KLKB1: variants seen among roughly 807,000 people sequenced by gnomAD.
KLKB1 encodes plasma kallikrein.
KLKB1 carries 58 observed loss-of-function variants against 73.6 expected under a neutral mutation model. The ratio of observed to expected loss-of-function variants is 0.79; its 90% confidence interval spans 0.64 to 0.98. KLKB1 has a LOEUF of 0.98. Ranked by LOEUF, KLKB1 falls within the 50% of genes least tolerant of loss-of-function variation. The probability of loss-of-function intolerance (pLI) is 0.00; values close to 1 mark genes in which losing one functional copy is unlikely to be tolerated. For synonymous variants in KLKB1, 280 were observed against 258.1 expected, an observed-to-expected ratio of 1.08 and a Z score of -0.81; for missense variants, 737 against 763.8, an observed-to-expected ratio of 0.96 and a Z score of 0.41.
chr4:186,251,775 T>A lies in KLKB1; in HGVS notation c.1058T>A (p.Met353Lys). 2 of 1,613,984 alleles carry A rather than the reference T, an allele frequency of 1.2e-6. No homozygotes were observed. The highest frequency in any genetic ancestry group is 1.7e-6 in the Non-Finnish European group (2 of 1,179,836). The change falls in exon 10 of 15, where the codon ATG (methionine) becomes AAG (lysine). Residue 353 changes from methionine to lysine, a missense_variant. Met to Lys is a moderately conservative substitution (Grantham distance 95). Coordinates refer to ENST00000264690, the MANE Select transcript of KLKB1 (RefSeq NM_000892.5). ...EKCKCFLRLS[M>K]DGSPTRIAYG... ...TGTAAGTGTTTCTTAAGATTATCTA[T>A]GGATGGTTCTCCAACTAGGATTGCG...
At chr4:186,227,171 G>A (rs1205307947), upstream of KLKB1, among the ~76,000 whole-genome samples, 2 of 152,160 alleles carry the variant, frequency 1.3e-5, no homozygotes, top group Non-Finnish European at 2.9e-5. Context: ...CCGGTAATGT[G>A]AAATTGTCCT....
At chr4:186,235,518 G>T (rs1737619726) in intron 4 of KLKB1, among the ~76,000 whole-genome samples, 1 of 152,154 alleles carries the variant, frequency 6.6e-6, no homozygotes, top group Non-Finnish European at 1.5e-5. Flanking sequence ...ATAGGAAAGA[G>T]ACTTCGTTTC....
In KLKB1 at chr4:186,232,029, G is replaced by C. The variant is rs1737420744; in HGVS notation, c.59-98G>C. The C allele has an allele frequency of 1.3e-5, 12 of 909,534 alleles. No individual in the cohort carries two copies. In the East Asian group the frequency reaches 3.2e-4, roughly 24 times the overall value. 56.3% of individuals were successfully genotyped at this position (909,534 alleles called of 1,614,324 possible). A position where few individuals can be genotyped will look rare whatever the true frequency, so the allele number is the denominator to read the frequency against. ...TTAGAGTTGTATTATACAGGTCTTT[G>C]AGTAGTCAGTCAGTGGGAGAAGTTA... On this transcript the variant is annotated intron_variant, in intron 2 of 14. Transcript: ENST00000264690.
At chr4:186,248,029 C>T (rs917139769) in intron 6 of KLKB1, among the ~76,000 whole-genome samples, 8 of 152,086 alleles carry the variant, frequency 5.3e-5, no homozygotes, top group East Asian at 1.9e-4. Context: ...GGGCGGATCA[C>T]GGGGTCAGGA....
intron 5 of KLKB1, among the ~76,000 whole-genome samples, 155 bp downstream of exon 5, chr4:186,237,095 T>G (rs1737735178): frequency 1.3e-5 from 2 of 150,668 alleles, no homozygotes; most frequent in African/African-American, 4.9e-5. Flanking sequence ...TTTTTTATCT[T>G]TTATTTATTT....
rs2292423 is a variant in KLKB1, at chr4:186,254,568, T to C, written c.1314-20T>C. ...GAAGGACTGCCCAGTTTCAAACAGG[T>C]ATTTATTTTTCTCTCCTAGGCTTCC... On this transcript the variant is annotated intron_variant, in intron 11 of 14. Transcript: ENST00000264690. The C allele has an allele frequency of 2.5e-6, 4 of 1,606,562 alleles. No homozygotes were observed. The highest frequency in any genetic ancestry group is 3.3e-4 in the Middle Eastern group (2 of 6,046).
chr4:186,252,267 T>G, intron 11 of KLKB1, 82 bp downstream of exon 11: 1 of 1,407,590 alleles, frequency 7.1e-7, no homozygotes, highest in Non-Finnish European at 1.0e-6. Context: ...TTCACCGCCA[T>G]GTGACTTTAT....
rs918340174 is a variant in KLKB1 at position 186,238,376 on chromosome 4, G to T, written c.598+11G>T. ...CCCTTTCAGAAATTGGTAATTGTAG[G>T]ACTACTTCACTTTGTGATTGTGGTA... is the stretch of plus-strand genomic sequence containing the variant. On this transcript the variant is annotated intron_variant, in intron 6 of 14. Transcript: ENST00000264690. The T allele has an allele frequency of 6.4e-7, 1 of 1,559,600 alleles. No homozygotes were observed. Among genetic ancestry groups the T allele is most frequent in the African/African-American group, 1.4e-5 (1 of 73,826 alleles).
chr4:186,254,503 C>A (rs1350230238), intron 11 of KLKB1, 85 bp from the exon 12 acceptor site: 6 of 1,158,568 alleles, frequency 5.2e-6, no homozygotes, highest in East Asian at 2.3e-5. Flanking sequence ...CTTCCCAGTT[C>A]TTTGAAAGAG....
chr4:186,255,923 A>G, intron 12 of KLKB1, 69 bp from the exon 13 acceptor site: 1 of 974,454 alleles, frequency 1.0e-6, no homozygotes, highest in Non-Finnish European at 1.6e-6. Flanking sequence ...AAAAAGAGAA[A>G]GATGTATTTT....
chr4:186,218,891 T>A (rs1020540946), intron 2 of KLKB1, among the ~76,000 whole-genome samples: 1 of 152,148 alleles, frequency 6.6e-6, no homozygotes, highest in African/African-American at 2.4e-5. Flanking sequence ...GAAGCCAGTC[T>A]AAGTCCCAAA....
intron 6 of KLKB1, among the ~76,000 whole-genome samples, chr4:186,243,474 A>G (rs1039660391): frequency 3.3e-5 from 5 of 152,126 alleles, no homozygotes; most frequent in African/African-American, 1.2e-4. Flanking sequence ...TGAGGGATAG[A>G]AGTTGGAATG....
intron 2 of KLKB1, among the ~76,000 whole-genome samples, chr4:186,219,659 C>T (rs780352274): frequency 1.3e-5 from 2 of 152,188 alleles, no homozygotes; most frequent in South Asian, 4.1e-4. Flanking sequence ...GTATTGATGA[C>T]TACCTTCTTC....
At chr4:186,250,189 A>C (rs2126667207) in intron 6 of KLKB1, 54 bp from the exon 7 acceptor site, 1 of 1,535,702 alleles carries the variant, frequency 6.5e-7, no homozygotes, top group South Asian at 1.1e-5. Context: ...AAATACAAGC[A>C]AATTTAGCCT....
intron 7 of KLKB1, 22 bp from the exon 8 acceptor site, chr4:186,251,193 CTCTT>C (rs1561463799): frequency 6.7e-7 from 1 of 1,482,754 alleles, no homozygotes; most frequent in Admixed American, 1.7e-5. Context: ...CTTTCTTTCT[CTCTT>C]GCTTTTTTTT....
chr4:186,226,567 T>A (rs575760869), upstream of KLKB1: 3 of 152,408 alleles, frequency 2.0e-5, no homozygotes, highest in Non-Finnish European at 4.4e-5. Flanking sequence ...GAAGCATGGA[T>A]CCTTGGGGGC....
At chr4:186,247,854 C>G (rs1286641229) in intron 6 of KLKB1, among the ~76,000 whole-genome samples, 3 of 151,976 alleles carry the variant, frequency 2.0e-5, no homozygotes, top group Admixed American at 6.6e-5. Context: ...TAAAATTAAC[C>G]CTTTGAAAGT....
chr4:186,216,292 T>C (rs148464446), intron 2 of KLKB1, among the ~76,000 whole-genome samples: 2 of 152,182 alleles, frequency 1.3e-5, no homozygotes, highest in Non-Finnish European at 2.9e-5. Context: ...CCAAGTTCTA[T>C]TGAGGGAGCT....
At chr4:186,254,134 T>C (rs922793233) in intron 11 of KLKB1, among the ~76,000 whole-genome samples, 6 of 152,170 alleles carry the variant, frequency 3.9e-5, no homozygotes, top group Non-Finnish European at 8.8e-5. Context: ...TGCCCAGCTG[T>C]ATAGAGATAT....
Sources: gnomAD v4.1 joint callset for allele counts (sites outside exome capture counted in the v4.1 genomes callset) on GRCh38, gnomAD v4.1.1 for gene constraint, MANE v1.5 for transcripts, NCBI Gene and HGNC (gene_info 2026-07-23, HGNC 2026-07-21) for gene names.